Variants in GALNTL6 observed in about 807,000 individuals in gnomAD.
GALNTL6 encodes the protein polypeptide N-acetylgalactosaminyltransferase-like 6.
A neutral mutation model predicts 73.7 loss-of-function variants in GALNTL6; 46 were observed. The ratio of observed to expected loss-of-function variants is 0.62; its 90% CI spans 0.49 to 0.80. GALNTL6 has a LOEUF of 0.80. GALNTL6 is among the 30% of genes least tolerant of loss of function. The pLI, the probability that GALNTL6 is intolerant of heterozygous loss-of-function variation, is 0.00. For synonymous variants in GALNTL6, 259 were observed against 263.7 expected (o/e 0.98, Z 0.17); for missense variants, 604 against 755.0 (o/e 0.80, Z 2.34).
At chr4:172,923,491 A>G (rs1171976327) in intron 8 of GALNTL6, among the ~76,000 whole-genome samples, 1 of 152,172 alleles carries the variant, frequency 6.6e-6, no homozygotes, top group African/African-American at 2.4e-5. Flanking sequence ...ACAGGAAACC[A>G]TATCAGAGGG....
At chr4:172,262,300 G>A (rs531538776) in intron 3 of GALNTL6, among the ~76,000 whole-genome samples, 8 of 151,302 alleles carry the variant, frequency 5.3e-5, no homozygotes, top group Non-Finnish European at 1.0e-4. Flanking sequence ...TATAAATTTG[G>A]GAGCTCCAGT....
intron 3 of GALNTL6, among the ~76,000 whole-genome samples, chr4:172,250,340 G>T (rs1737814952): frequency 6.6e-6 from 1 of 152,160 alleles, no homozygotes; most frequent in African/African-American, 2.4e-5. Context: ...GAAGGGACTT[G>T]CCTTGACTCA....
intron 5 of GALNTL6, among the ~76,000 whole-genome samples, chr4:172,538,407 C>A (rs1481659117): frequency 1.3e-5 from 2 of 152,050 alleles, no homozygotes; most frequent in Admixed American, 6.6e-5. Flanking sequence ...TTGCAAAGAG[C>A]CAAGATTGCG....
chr4:172,679,026 AT>A (rs1223915558), intron 5 of GALNTL6, among the ~76,000 whole-genome samples: 2 of 152,200 alleles, frequency 1.3e-5, no homozygotes, highest in Non-Finnish European at 2.9e-5. Context: ...CTGTGTTCCA[AT>A]TAAACTCCAG....
At chr4:172,198,610 T>C (rs1686225985) in intron 2 of GALNTL6, among the ~76,000 whole-genome samples, 1 of 152,128 alleles carries the variant, frequency 6.6e-6, no homozygotes, top group African/African-American at 2.4e-5. Context: ...AACCTAAACA[T>C]ATACTTTATC....
At chr4:172,032,483 A>G (rs1277494549) in intron 2 of GALNTL6, among the ~76,000 whole-genome samples, 1 of 152,072 alleles carries the variant, frequency 6.6e-6, no homozygotes, top group Non-Finnish European at 1.5e-5. Context: ...GAATGTTATC[A>G]TTGACTATAA....
chr4:172,910,649 AAT>A (rs1291743919), intron 8 of GALNTL6, among the ~76,000 whole-genome samples: 1 of 152,236 alleles, frequency 6.6e-6, no homozygotes, highest in Non-Finnish European at 1.5e-5. Context: ...CAATTGTTTA[AAT>A]ACAAACTCTA....
intron 2 of GALNTL6, among the ~76,000 whole-genome samples, chr4:171,942,978 C>T (rs1738596082): frequency 6.6e-6 from 1 of 152,050 alleles, no homozygotes; most frequent in Non-Finnish European, 1.5e-5. Context: ...AAAGCAGAGC[C>T]TTATTTACTG....
chr4:172,575,582 G>C (rs767785860), intron 5 of GALNTL6, among the ~76,000 whole-genome samples: 122 of 152,298 alleles, frequency 8.0e-4, no homozygotes, highest in Middle Eastern at 3.4e-3. Context: ...CTGTGAGAAG[G>C]TCTTAACCTC....
chr4:172,811,294 C>G (rs1741288688), intron 6 of GALNTL6, among the ~76,000 whole-genome samples: 1 of 152,160 alleles, frequency 6.6e-6, no homozygotes, highest in Non-Finnish European at 1.5e-5. Context: ...TCAACCTAAG[C>G]TAGGACAGCT....
At chr4:172,903,325 A>G (rs1459945820) in intron 8 of GALNTL6, among the ~76,000 whole-genome samples, 1 of 152,180 alleles carries the variant, frequency 6.6e-6, no homozygotes, top group Non-Finnish European at 1.5e-5. Context: ...TTAACTAACT[A>G]GTCAGACTTG....
At chr4:172,787,372 C>T (rs1173810643) in intron 5 of GALNTL6, among the ~76,000 whole-genome samples, 1 of 152,132 alleles carries the variant, frequency 6.6e-6, no homozygotes, top group African/African-American at 2.4e-5. Flanking sequence ...GCCATGCAGC[C>T]ATCATTAGGC....
chr4:171,951,093 A>G (rs1287320542), intron 2 of GALNTL6, among the ~76,000 whole-genome samples: 1 of 152,170 alleles, frequency 6.6e-6, no homozygotes, highest in Non-Finnish European at 1.5e-5. Flanking sequence ...ACAGATTGTC[A>G]TATTAGACTT....
chr4:172,046,819 TG>T (rs1314450914), intron 2 of GALNTL6, among the ~76,000 whole-genome samples: 1 of 152,166 alleles, frequency 6.6e-6, no homozygotes, highest in Non-Finnish European at 1.5e-5. Flanking sequence ...ATCTTTAGAT[TG>T]TCTCTTTACT....
intron 2 of GALNTL6, among the ~76,000 whole-genome samples, chr4:171,913,745 G>C (rs899385081): frequency 6.6e-6 from 1 of 152,106 alleles, no homozygotes; most frequent in African/African-American, 2.4e-5. Context: ...AGAGAAATTA[G>C]GTGGTAATGA....
rs80283474 is a variant in GALNTL6, at chr4:172,266,069, A to G, written c.247+36305A>G. 2.0e-4 allele frequency: 30 copies of G among 152,254 alleles called. No individual in the cohort carries two copies. The East Asian group carries it at 5.8e-3, about 29-fold the overall frequency. The allele number at this position is 152,254 out of a possible 1,614,324, so 9.4% of individuals were successfully genotyped here. On this transcript the variant is annotated intron_variant, in intron 3 of 12. Transcript: ENST00000506823. ...CTCCACTTCAGAATGTTAAGTCAGA[A>G]CTTCTGAGAGTGGAGCCCAAGAATT...
chr4:172,451,865 G>T (rs1035065989), intron 5 of GALNTL6, among the ~76,000 whole-genome samples: 2 of 152,010 alleles, frequency 1.3e-5, no homozygotes, highest in African/African-American at 4.8e-5. Context: ...AAAAAAATTA[G>T]CTGTTTATGG....
intron 5 of GALNTL6, among the ~76,000 whole-genome samples, chr4:172,599,692 A>G (rs1218788863): frequency 2.0e-5 from 3 of 152,176 alleles, no homozygotes; most frequent in African/African-American, 7.2e-5. Context: ...TGCCGGTCTC[A>G]GAAGTGCTGG....
At chr4:172,764,343 T>G (rs1738285598) in intron 5 of GALNTL6, among the ~76,000 whole-genome samples, 2 of 152,262 alleles carry the variant, frequency 1.3e-5, no homozygotes, top group African/African-American at 4.8e-5. Context: ...AAAAACCATT[T>G]GGAAATATAC....
Sources: allele counts gnomAD v4.1 joint callset (sites outside exome capture counted in the v4.1 genomes callset), GRCh38; gene constraint gnomAD v4.1.1; transcripts MANE v1.5; gene names NCBI Gene and HGNC (gene_info 2026-07-23, HGNC 2026-07-21).